WASHC4: variants seen among roughly 807,000 people sequenced by gnomAD.
WASHC4 encodes the protein WASH complex subunit 4.
In WASHC4, 86 loss-of-function variants were observed where a neutral mutation model predicts 166.6. The ratio of observed to expected loss-of-function variants is 0.52; its 90% CI spans 0.43 to 0.62. WASHC4 has a LOEUF of 0.62. Among genes scored for constraint, WASHC4 ranks in the 20% least tolerant of loss-of-function variants. WASHC4 has a pLI of 0.00. For synonymous variants in WASHC4, 446 were observed against 451.6 expected (o/e 0.99, Z 0.16); for missense variants, 1,262 against 1,382.4 (o/e 0.91, Z 1.38).
rs554067983 is a variant in WASHC4 at position 105,127,048 on chromosome 12, A to G, written c.1039-81A>G. ...TTTTTCTTGAAATCAGTTGTCTTCCATGTGTATTATAGAACTTTTAAACAG... is the reference window on the plus strand; with the variant it reads ...TTTTTCTTGAAATCAGTTGTCTTCCGTGTGTATTATAGAACTTTTAAACAG... On this transcript the variant is annotated intron_variant, in intron 12 of 32. Transcript: ENST00000332180. 2.8e-4 allele frequency: 322 copies of G among 1,139,218 alleles called. No individual in the cohort carries two copies. In the African/African-American group the frequency reaches 4.4e-3, roughly 15 times the overall value. The allele number at this position is 1,139,218 out of a possible 1,614,324, so 70.6% of individuals were successfully genotyped here.
At chr12:105,164,772 A>G (rs1884709103) in intron 32 of WASHC4, 32 bp downstream of exon 32, 13 of 1,435,154 alleles carry the variant, frequency 9.1e-6, no homozygotes, top group Non-Finnish European at 1.3e-5. Flanking sequence ...GGAAAGACCA[A>G]TAAATGTCTT....
Position 105,152,347 on chromosome 12 carries a change from C to T in WASHC4, c.2654C>T (p.Pro885Leu). The T allele has an allele frequency of 6.5e-7, 1 of 1,543,368 alleles. No homozygotes were observed. The highest frequency in any genetic ancestry group is 1.7e-4 in the Middle Eastern group (1 of 5,910). Reference sequence around the variant, plus strand: ...GCCTTAAAATTTTCTGTCTAGTATCCTTTTGATAGAGCAGAAAAATTCAAT... The same window carrying T: ...GCCTTAAAATTTTCTGTCTAGTATCTTTTTGATAGAGCAGAAAAATTCAAT... ...EIKDQNDHKY[P>L]FDRAEKFNRG... The change falls in exon 26 of 33, where the codon CCT becomes CTT. Residue 885 changes from proline (P) to leucine (L), a missense_variant. Transcript: ENST00000332180.
At chr12:105,136,360 A>G (rs1882317065) in intron 14 of WASHC4, among the ~76,000 whole-genome samples, 1 of 151,988 alleles carries the variant, frequency 6.6e-6, no homozygotes, top group Non-Finnish European at 1.5e-5. Flanking sequence ...TCTTGGCCTT[A>G]TATTTCCTTA....
Position 105,126,043 on chromosome 12 carries a change from G to A in WASHC4, c.826G>A (p.Val276Ile), listed in dbSNP as rs772171743. The A allele has an allele frequency of 1.2e-6, 2 of 1,612,588 alleles. No homozygotes were observed. The highest frequency in any genetic ancestry group is 1.7e-6 in the Non-Finnish European group (2 of 1,178,986). The change falls in exon 11 of 33, where the codon GTA becomes ATA. Residue 276 changes from valine to isoleucine, a missense_variant. Val to Ile is a conservative substitution (Grantham distance 29, BLOSUM62 3). Transcript: ENST00000332180. ...EQQFDSLNGG[V>I]SVSKNSTFAE... is the part of the protein sequence containing the mutation. Reference sequence around the variant, plus strand: ...ACAATTTGATTCTCTCAATGGAGGAGTATCTGTGTCAAAAAATAGTACTTT... The same window carrying A: ...ACAATTTGATTCTCTCAATGGAGGAATATCTGTGTCAAAAAATAGTACTTT...
At chr12:105,149,911 TAAATC>T (rs796882164) in intron 25 of WASHC4, among the ~76,000 whole-genome samples, 162 bp downstream of exon 25, 30 of 152,300 alleles carry the variant, frequency 2.0e-4, no homozygotes, top group African/African-American at 5.8e-4. Context: ...AGGAAAAAAT[TAAATC>T]ATAAATGTAG....
Position 105,140,427 on chromosome 12 carries a change from A to T in WASHC4, c.1560+26A>T, listed in dbSNP as rs183634661. ...GTATGCAGCTTATTATGTATTTAGC[A>T]TAAGTATGTTATCTTTTTTGTTTGT... On this transcript the variant is annotated intron_variant, in intron 16 of 32. Transcript: ENST00000332180. The T allele has an allele frequency of 2.1e-4, 312 of 1,462,538 alleles. 1 individual carries two copies. The African/African-American group carries it at 3.9e-3, about 18-fold the overall frequency. The allele number at this position is 1,462,538 out of a possible 1,614,324, so 90.6% of individuals were successfully genotyped here.
At chr12:105,121,531 CAG>C (rs1010841077) in intron 9 of WASHC4, among the ~76,000 whole-genome samples, 1 of 152,120 alleles carries the variant, frequency 6.6e-6, no homozygotes, top group Non-Finnish European at 1.5e-5. Context: ...TTTGTTGAGA[CAG>C]AGTCTCACTG....
chr12:105,165,299 T>C (rs1052943781), intron 32 of WASHC4, among the ~76,000 whole-genome samples: 1 of 152,224 alleles, frequency 6.6e-6, no homozygotes, highest in African/African-American at 2.4e-5. Flanking sequence ...TTGTATTCTA[T>C]GTAGGATGGT....
In WASHC4 at chr12:105,147,167, G is replaced by C; in HGVS notation, c.2514+21G>C. The C allele has an allele frequency of 2.1e-6, 3 of 1,399,532 alleles. No individual in the cohort carries two copies. In the East Asian group the frequency reaches 6.8e-5, roughly 32 times the overall value. 86.7% of individuals were successfully genotyped at this position (1,399,532 alleles called of 1,614,324 possible). On this transcript the variant is annotated intron_variant, in intron 24 of 32. Coordinates refer to ENST00000332180, the MANE Select transcript of WASHC4 (RefSeq NM_015275.3). ...CAACTGTAAGAACTTTTCTTTGGGG[G>C]TTGAGTGGGTAATAGACCCGTTTAA...
At chr12:105,144,264 A>AGT (rs1458289859) in intron 20 of WASHC4, 23 bp from the exon 21 acceptor site, 1 of 1,592,940 alleles carries the variant, frequency 6.3e-7, no homozygotes, top group Non-Finnish European at 8.6e-7. Context: ...GAAAAATTAA[A>AGT]GTATCAAATC....
Position 105,143,159 on chromosome 12 carries a change from T to C in WASHC4, c.1926T>C (p.Pro642=). ...YMFSALRDCV[P]AMMHARHLES... is the part of the protein sequence containing the mutation. ...TCAGTGCTTTGCGCGACTGTGTACC[T>C]GCTATGATGCATGCAAGGCATTTAG... Residue 642 remains proline (P), a synonymous_variant, in exon 20 of 33, where the codon CCT becomes CCC. Coordinates refer to ENST00000332180, the MANE Select transcript of WASHC4 (RefSeq NM_015275.3). 6.2e-7 allele frequency: 1 copy of C among 1,611,346 alleles called. No individual in the cohort carries two copies. The highest frequency in any genetic ancestry group is 1.1e-5 in the South Asian group (1 of 90,978).
chr12:105,143,329 C>G, intron 20 of WASHC4, 86 bp downstream of exon 20: 1 of 763,554 alleles, frequency 1.3e-6, no homozygotes, highest in South Asian at 1.4e-5. Context: ...AGCAGACTCA[C>G]TGAGTTAAAA....
At chr12:105,155,916 A>G (rs1356681515) in intron 26 of WASHC4, among the ~76,000 whole-genome samples, 1 of 152,196 alleles carries the variant, frequency 6.6e-6, no homozygotes, top group African/African-American at 2.4e-5. Context: ...ATATTATACA[A>G]CACTGGGGAA....
intron 25 of WASHC4, among the ~76,000 whole-genome samples, chr12:105,150,223 A>G (rs1024102181): frequency 2.0e-5 from 3 of 152,218 alleles, no homozygotes; most frequent in Non-Finnish European, 4.4e-5. Flanking sequence ...GATCTGCTTC[A>G]AGTTGATAGG....
chr12:105,156,896 A>T (rs1884197257), intron 27 of WASHC4, 104 bp downstream of exon 27: 2 of 892,236 alleles, frequency 2.2e-6, no homozygotes, highest in African/African-American at 3.3e-5. Flanking sequence ...TTTGTTCTTG[A>T]TATATTTTGA....
At position 105,166,939 on chromosome 12, in the gene WASHC4, G is replaced by A. The variant is rs768232575; in HGVS notation, c.*8G>A. 6.4e-6 allele frequency: 10 copies of A among 1,561,626 alleles called. No individual in the cohort carries two copies. The South Asian group carries it at 1.1e-4, about 17-fold the overall frequency. Reference sequence around the variant, plus strand: ...GATCCTGTTGTGAAATGATACGGATGGTATTCACTGCACATATGATGAAAT... The same window carrying A: ...GATCCTGTTGTGAAATGATACGGATAGTATTCACTGCACATATGATGAAAT... On this transcript the variant is annotated 3_prime_UTR_variant, in exon 33 of 33. Coordinates refer to ENST00000332180, the MANE Select transcript of WASHC4 (RefSeq NM_015275.3).
rs374857462 is a variant in WASHC4 at position 105,111,256 on chromosome 12, G to A, written c.193G>A (p.Ala65Thr). The change falls in exon 2 of 33, where the codon GCA (alanine) becomes ACA (threonine). Residue 65 changes from alanine to threonine, a missense_variant. Transcript: ENST00000332180. ...DVWDFNLDPI[A>T]LKLLPYEQSS... ...TTGGGATTTCAATCTTGATCCTATA[G>A]CATTAAAGGTTTGATTTGATTTTTT... is the stretch of plus-strand genomic sequence containing the variant. The A allele has an allele frequency of 3.0e-5, 48 of 1,603,240 alleles. 1 individual carries two copies. In the African/African-American group the frequency reaches 4.9e-4, roughly 17 times the overall value.
chr12:105,148,639 A>G (rs1883501857), intron 24 of WASHC4: 1 of 984,588 alleles, frequency 1.0e-6, no homozygotes, highest in South Asian at 4.7e-5. Flanking sequence ...AAAAACAAGG[A>G]GAGAGTACAA....
chr12:105,151,042 C>G (rs1240925676), intron 25 of WASHC4, among the ~76,000 whole-genome samples: 1 of 147,394 alleles, frequency 6.8e-6, no homozygotes. Flanking sequence ...CAAGCTATAT[C>G]ACTGAGGCAC....
Sources: gnomAD v4.1 joint callset for allele counts (sites outside exome capture counted in the v4.1 genomes callset) on GRCh38, gnomAD v4.1.1 for gene constraint, MANE v1.5 for transcripts, NCBI Gene and HGNC (gene_info 2026-07-23, HGNC 2026-07-21) for gene names.